GEMIN5: variants seen among roughly 807,000 people sequenced by gnomAD.
The protein encoded by GEMIN5 is gem nuclear organelle associated protein 5.
A neutral mutation model predicts 176.9 loss-of-function variants in GEMIN5; 124 were observed. The observed-to-expected ratio is 0.70, with a 90% confidence interval of 0.61 to 0.81. The LOEUF (loss-of-function observed/expected upper bound fraction) is 0.81, where lower values mean the gene tolerates loss of function less well. Ranked by LOEUF, GEMIN5 falls within the 40% of genes least tolerant of loss-of-function variation. The pLI is 0.00. For synonymous variants in GEMIN5, 673 were observed against 665.2 expected (o/e 1.01, Z -0.18); for missense variants, 1,843 against 1,814.6 (o/e 1.02, Z -0.28).
Position 154,925,884 on chromosome 5 carries a change from C to A in GEMIN5, c.1271G>T (p.Gly424Val). Reference protein sequence around the residue: ...NNYDVKNFWQGVKSKVTALCW... With the variant: ...NNYDVKNFWQVVKSKVTALCW... ...TACCGCTGTAACCTTGGACTTCACGCCTTGCCAAAAATTTTTCACATCATA... is the reference window on the plus strand; with the variant it reads ...TACCGCTGTAACCTTGGACTTCACGACTTGCCAAAAATTTTTCACATCATA... Residue 424 changes from glycine (G) to valine (V), a missense_variant, in exon 8 of 28, where the codon GGC becomes GTC. Gly to Val is a moderately radical substitution (Grantham distance 109, BLOSUM62 -3). Coordinates refer to ENST00000285873, the MANE Select transcript of GEMIN5 (RefSeq NM_015465.5). 4 of 1,612,162 alleles carry A rather than the reference C, an allele frequency of 2.5e-6. No individual in the cohort carries two copies. The highest frequency in any genetic ancestry group is 3.4e-6 in the Non-Finnish European group (4 of 1,178,312).
intron 4 of GEMIN5, 133 bp from the exon 5 acceptor site, chr5:154,931,710 G>T: frequency 4.2e-6 from 3 of 707,818 alleles, no homozygotes; most frequent in Middle Eastern, 3.8e-4. Context: ...GAAGTTTTAG[G>T]TATAATTAAA....
chr5:154,889,098 G>T (rs1763168439), intron 27 of GEMIN5, among the ~76,000 whole-genome samples: 1 of 152,056 alleles, frequency 6.6e-6, no homozygotes, highest in Non-Finnish European at 1.5e-5. Flanking sequence ...GGATGGTCTT[G>T]ATCTCCTGAC....
At chr5:154,901,834 CTG>C (rs1763471805) in intron 20 of GEMIN5, among the ~76,000 whole-genome samples, 1 of 151,582 alleles carries the variant, frequency 6.6e-6, no homozygotes, top group Admixed American at 6.6e-5. Flanking sequence ...GGGTCTCACT[CTG>C]TGGCTCAGGC....
At position 154,896,355 on chromosome 5, in the gene GEMIN5, C is replaced by T. The variant is rs1763352537; in HGVS notation, c.3346-12G>A. ...ACCAATCTCTGACCCTGGAACACGA[C>T]AACAAGGAAGAGGAACTGTTATACA... On this transcript the variant is annotated splice_polypyrimidine_tract_variant and intron_variant, in intron 23 of 27. Transcript: ENST00000285873. 1 of 1,552,202 alleles carries T rather than the reference C, an allele frequency of 6.4e-7. No homozygotes were observed. The highest frequency in any genetic ancestry group is 8.7e-7 in the Non-Finnish European group (1 of 1,153,242).
In GEMIN5 at chr5:154,926,036, C is replaced by T. The variant is rs1561726636; in HGVS notation, c.1119G>A (p.Trp373Ter). ...CAAACCCACCAAGGGAAGGAAGGGT[C>T]CAGCTGCACTCCAAGGTGGCTATGT... ...CWDIATLECS[W>*]TLPSLGGFAY... The change falls in exon 8 of 28, where the codon TGG becomes TGA. Residue 373 changes from tryptophan to a stop codon, truncating the protein, a stop_gained. Transcript: ENST00000285873. LOFTEE classifies it high-confidence loss of function. 4 of 1,613,376 alleles carry T rather than the reference C, an allele frequency of 2.5e-6. No homozygotes were observed. Among genetic ancestry groups the T allele is most frequent in the Non-Finnish European group, 3.4e-6 (4 of 1,179,422 alleles).
In GEMIN5 at chr5:154,898,448, T is replaced by C. The variant is rs751137422; in HGVS notation, c.3337A>G (p.Ser1113Gly). The C allele has an allele frequency of 1.1e-5, 18 of 1,613,236 alleles. No individual in the cohort carries two copies. In the African/African-American group the frequency reaches 1.9e-4, roughly 17 times the overall value. Residue 1113 changes from serine to glycine, a missense_variant, in exon 23 of 28, where the codon AGT (serine) becomes GGT (glycine). Physicochemically the swap from Ser to Gly is moderately conservative, Grantham distance 56. Coordinates refer to ENST00000285873, the MANE Select transcript of GEMIN5 (RefSeq NM_015465.5). Reference protein sequence around the residue: ...GAQEALQLHESLQGQRLVFCL... With the variant: ...GAQEALQLHEGLQGQRLVFCL... ...TGAAATAACAGACTGACCTGTAGAC[T>C]TTCATGCAGCTGCAGGGCTTCCTGG... is the stretch of plus-strand genomic sequence containing the variant.
intron 19 of GEMIN5, 83 bp from the exon 20 acceptor site, chr5:154,902,759 G>T: frequency 7.3e-7 from 1 of 1,376,554 alleles, no homozygotes. Flanking sequence ...CAAGATAGAA[G>T]AGAAAGTGAG....
chr5:154,913,002 G>C lies in GEMIN5; in HGVS notation c.1892C>G (p.Pro631Arg), dbSNP rs201982564. 1.2e-6 allele frequency: 2 copies of C among 1,613,708 alleles called. No individual in the cohort carries two copies. Among genetic ancestry groups the C allele is most frequent in the East Asian group, 4.5e-5 (2 of 44,868 alleles). Residue 631 changes from proline (P) to arginine (R), a missense_variant, in exon 14 of 28, where the codon CCC becomes CGC. Pro to Arg is a moderately radical substitution (Grantham distance 103). Coordinates refer to ENST00000285873, the MANE Select transcript of GEMIN5 (RefSeq NM_015465.5). ...CGTATGCCCTGAGAGGGTCCGGTAG[G>C]GCTCTGTAATGGTCACTGGAGACTC... ...SPESPVTITE[P>R]YRTLSGHTAK...
chr5:154,898,652 T>C lies in GEMIN5; in HGVS notation c.3135-2A>G. 1 of 1,599,242 alleles carries C rather than the reference T, an allele frequency of 6.3e-7. No individual in the cohort carries two copies. Among genetic ancestry groups the C allele is most frequent in the East Asian group, 2.2e-5 (1 of 44,816 alleles). On this transcript the variant is annotated splice_acceptor_variant, in intron 22 of 27. Transcript: ENST00000285873. LOFTEE classifies it high-confidence loss of function. ...TAAGCACAAGTGGCCCCTAAATAGC[T>C]ATAATATGAATAAAAATGTGAAGAA...
chr5:154,919,800 T>C (rs1199049593), intron 11 of GEMIN5, among the ~76,000 whole-genome samples, 167 bp downstream of exon 11: 2 of 152,226 alleles, frequency 1.3e-5, no homozygotes, highest in Non-Finnish European at 2.9e-5. Context: ...TAAAGACTCC[T>C]AAGATATATA....
intron 24 of GEMIN5, among the ~76,000 whole-genome samples, chr5:154,894,537 G>A (rs1335787217): frequency 1.3e-5 from 2 of 152,044 alleles, no homozygotes; most frequent in African/African-American, 2.4e-5. Flanking sequence ...TTGGGAGGCC[G>A]AGGCAGGTGG....
chr5:154,909,221 G>A (rs1314476950), intron 15 of GEMIN5, among the ~76,000 whole-genome samples: 4 of 136,278 alleles, frequency 2.9e-5, no homozygotes, highest in East Asian at 2.1e-4. Flanking sequence ...TGATCAGCTC[G>A]CCTCCCAAAG....
chr5:154,917,880 C>A (rs1763844224), intron 12 of GEMIN5, 51 bp downstream of exon 12: 1 of 1,161,644 alleles, frequency 8.6e-7, no homozygotes, highest in South Asian at 1.2e-5. Context: ...AGCTTGTGAT[C>A]AAATATATGT....
At chr5:154,893,585 C>T (rs1211878687) in intron 24 of GEMIN5, among the ~76,000 whole-genome samples, 8 of 152,194 alleles carry the variant, frequency 5.3e-5, no homozygotes, top group Admixed American at 5.2e-4. Context: ...ATATGCCCTC[C>T]GGCTCCTCTG....
chr5:154,894,333 T>C (rs1763301634), intron 24 of GEMIN5, among the ~76,000 whole-genome samples: 1 of 152,210 alleles, frequency 6.6e-6, no homozygotes, highest in South Asian at 2.1e-4. Flanking sequence ...ATTTGGGTTG[T>C]TTCTAGTTTT....
chr5:154,934,372 G>C (rs903865501), intron 3 of GEMIN5, among the ~76,000 whole-genome samples: 2 of 152,088 alleles, frequency 1.3e-5, no homozygotes, highest in Non-Finnish European at 2.9e-5. Context: ...TTTTAATAGA[G>C]ACGGGGTTTC....
At chr5:154,928,113 C>T (rs376073247) in intron 6 of GEMIN5, among the ~76,000 whole-genome samples, 1 of 152,090 alleles carries the variant, frequency 6.6e-6, no homozygotes, top group African/African-American at 2.4e-5. Context: ...ACCCTTTAAA[C>T]AGATTTATCT....
intron 14 of GEMIN5, 55 bp from the exon 15 acceptor site, chr5:154,911,953 G>T: frequency 4.0e-6 from 6 of 1,486,628 alleles, no homozygotes; most frequent in Non-Finnish European, 5.5e-6. Flanking sequence ...CTATTGTTTG[G>T]GCAGTATGTT....
chr5:154,925,863 G>C lies in GEMIN5; in HGVS notation c.1292C>G (p.Ala431Gly). The change falls in exon 8 of 28, where the codon GCG becomes GGG. Residue 431 changes from alanine (A) to glycine (G), a missense_variant and splice_region_variant. Coordinates refer to ENST00000285873, the MANE Select transcript of GEMIN5 (RefSeq NM_015465.5). ...CAAGCTCAAAAAAAGAATCCTTACC[G>C]CTGTAACCTTGGACTTCACGCCTTG... is the stretch of plus-strand genomic sequence containing the variant. ...FWQGVKSKVT[A>G]LCWHPTKEGC... The C allele has an allele frequency of 6.3e-7, 1 of 1,577,366 alleles. No homozygotes were observed. The highest frequency in any genetic ancestry group is 1.7e-4 in the Middle Eastern group (1 of 5,974).
Sources: allele counts gnomAD v4.1 joint callset (sites outside exome capture counted in the v4.1 genomes callset), GRCh38; gene constraint gnomAD v4.1.1; transcripts MANE v1.5; gene names NCBI Gene and HGNC (gene_info 2026-07-23, HGNC 2026-07-21).